RNGTT: variants seen among roughly 807,000 people sequenced by gnomAD.
The protein encoded by RNGTT is RNA guanylyltransferase and 5'-phosphatase, also known as mRNA-capping enzyme.
Under a neutral mutation model 79.3 loss-of-function variants are expected in RNGTT, and 33 were observed. The ratio of observed to expected loss-of-function variants is 0.42; its 90% CI spans 0.32 to 0.56. RNGTT has a LOEUF of 0.56. RNGTT is among the 20% of genes least tolerant of loss of function. The pLI, the probability that RNGTT is intolerant of heterozygous loss-of-function variation, is 0.17. For synonymous variants in RNGTT, 222 were observed against 235.9 expected, an observed-to-expected ratio of 0.94 and a Z score of 0.54; for missense variants, 497 against 739.1, an observed-to-expected ratio of 0.67 and a Z score of 3.80.
At chr6:88,854,890 C>T (rs985987043) in intron 8 of RNGTT, among the ~76,000 whole-genome samples, 3 of 152,260 alleles carry the variant, frequency 2.0e-5, no homozygotes, top group Admixed American at 2.0e-4. Context: ...GTCTGGGAAG[C>T]TATGCTACCA....
chr6:88,853,772 T>G lies in RNGTT; in HGVS notation c.897-8A>C. 6.6e-7 allele frequency: 1 copy of G among 1,513,064 alleles called. No homozygotes were observed. The highest frequency in any genetic ancestry group is 9.0e-7 in the Non-Finnish European group (1 of 1,110,042). The allele number at this position is 1,513,064 out of a possible 1,614,324, so 93.7% of individuals were successfully genotyped here. On this transcript the variant is annotated splice_polypyrimidine_tract_variant and splice_region_variant and intron_variant, in intron 8 of 15. Coordinates refer to ENST00000369485, the MANE Select transcript of RNGTT (RefSeq NM_003800.5). ...TCAATCAACATCATGTACCTGTAAA[T>G]GAAACATTAAAAAGCTAATATTTAC...
At chr6:88,659,026 C>T (rs139196477) in intron 14 of RNGTT, among the ~76,000 whole-genome samples, 3,760 of 152,290 alleles carry the variant, frequency 0.025, 137 homozygotes, top group African/African-American at 0.085. Flanking sequence ...GTCAATTCTC[C>T]TAATAAACTC....
intron 11 of RNGTT, among the ~76,000 whole-genome samples, chr6:88,802,542 G>T (rs567903681): frequency 1.6e-4 from 25 of 152,268 alleles, no homozygotes; most frequent in Middle Eastern, 6.8e-3. Flanking sequence ...TACTTTCACA[G>T]AGCTAGGTGC....
chr6:88,869,777 T>G (rs1402641812), intron 8 of RNGTT, among the ~76,000 whole-genome samples: 1 of 152,110 alleles, frequency 6.6e-6, no homozygotes, highest in Non-Finnish European at 1.5e-5. Flanking sequence ...ACTCATAACA[T>G]TAAGGCAACT....
Position 88,812,832 on chromosome 6 carries a change from T to C in RNGTT, c.1270-11200A>G, listed in dbSNP as rs144100910. Among the ~76,000 whole-genome samples, 29 of 152,326 alleles carry C rather than the reference T, an allele frequency of 1.9e-4. 1 individual carries two copies. The East Asian group carries it at 5.2e-3, about 27-fold the overall frequency. On this transcript the variant is annotated intron_variant, in intron 11 of 15. Coordinates refer to ENST00000369485, the MANE Select transcript of RNGTT (RefSeq NM_003800.5). Reference sequence around the variant, plus strand: ...GTTTTTTTACCTTAAATGCTTTCAATAGAGATGCTTAAAGACTTCTAAGGA... The same window carrying C: ...GTTTTTTTACCTTAAATGCTTTCAACAGAGATGCTTAAAGACTTCTAAGGA...
chr6:88,634,468 G>A (rs1773019378), intron 14 of RNGTT, among the ~76,000 whole-genome samples: 1 of 152,102 alleles, frequency 6.6e-6, no homozygotes, highest in South Asian at 2.1e-4. Flanking sequence ...TGCCAAATTA[G>A]TTCAAATTGG....
intron 13 of RNGTT, among the ~76,000 whole-genome samples, chr6:88,718,927 T>A (rs192559878): frequency 6.6e-6 from 1 of 152,346 alleles, no homozygotes; most frequent in Admixed American, 6.5e-5. Context: ...CAAATCTCAT[T>A]GCAACAGAAG....
At chr6:88,745,193 C>T (rs1023965434) in intron 13 of RNGTT, among the ~76,000 whole-genome samples, 3 of 152,180 alleles carry the variant, frequency 2.0e-5, no homozygotes, top group African/African-American at 7.2e-5. Context: ...CATATACCAC[C>T]TTTAACAGTG....
At chr6:88,695,322 A>T (rs1310926663) in intron 13 of RNGTT, among the ~76,000 whole-genome samples, 1 of 152,174 alleles carries the variant, frequency 6.6e-6, no homozygotes, top group Admixed American at 6.5e-5. Context: ...AAAGCAAGAA[A>T]ACAATCTGAT....
At chr6:88,716,457 C>A (rs1273380956) in intron 13 of RNGTT, among the ~76,000 whole-genome samples, 2 of 152,144 alleles carry the variant, frequency 1.3e-5, no homozygotes, top group Non-Finnish European at 1.5e-5. Flanking sequence ...CCCAGTCATC[C>A]CATTACTGGG....
At chr6:88,810,209 T>C (rs1047291339) in intron 11 of RNGTT, among the ~76,000 whole-genome samples, 1 of 152,136 alleles carries the variant, frequency 6.6e-6, no homozygotes, top group African/African-American at 2.4e-5. Flanking sequence ...TGAGATAGTG[T>C]ACACAATAAA....
intron 8 of RNGTT, among the ~76,000 whole-genome samples, chr6:88,873,130 A>G (rs1342929253): frequency 3.3e-5 from 5 of 152,202 alleles, no homozygotes; most frequent in Non-Finnish European, 5.9e-5. Flanking sequence ...GTGAGGGAAG[A>G]GCACCTAAGC....
intron 13 of RNGTT, among the ~76,000 whole-genome samples, chr6:88,726,389 C>CAAAAAAAAAA (rs61210098): frequency 1.0e-5 from 1 of 99,540 alleles, no homozygotes. Context: ...ATCCTAAGTC[C>CAAAAAAAAAA]AAAAAAAAAA....
chr6:88,834,291 T>G (rs1780987702), intron 11 of RNGTT, among the ~76,000 whole-genome samples: 1 of 152,220 alleles, frequency 6.6e-6, no homozygotes. Context: ...GTTCACCGTA[T>G]GAAAGTATGA....
At chr6:88,625,264 C>T (rs928047660) in intron 14 of RNGTT, among the ~76,000 whole-genome samples, 1 of 151,894 alleles carries the variant, frequency 6.6e-6, no homozygotes, top group African/African-American at 2.4e-5. Flanking sequence ...TTTGTTCACA[C>T]AGAAACTTGA....
chr6:88,833,839 T>C (rs1329799271), intron 11 of RNGTT, among the ~76,000 whole-genome samples: 3 of 152,014 alleles, frequency 2.0e-5, no homozygotes, highest in Non-Finnish European at 4.4e-5. Context: ...CTGGCCAATA[T>C]GGTGAAACCC....
intron 13 of RNGTT, among the ~76,000 whole-genome samples, chr6:88,685,211 T>C (rs1469435635): frequency 6.6e-6 from 1 of 152,212 alleles, no homozygotes; most frequent in African/African-American, 2.4e-5. Context: ...ACTGTAATGG[T>C]TGATATCATC....
intron 14 of RNGTT, among the ~76,000 whole-genome samples, chr6:88,615,427 G>T (rs1347890483): frequency 6.6e-6 from 1 of 152,044 alleles, no homozygotes; most frequent in African/African-American, 2.4e-5. Flanking sequence ...CTTTACATTT[G>T]ATTGTACCAT....
chr6:88,632,544 G>GACACACACACAC lies in RNGTT; in HGVS notation c.1507-18161_1507-18150dup, dbSNP rs55920605. Among the ~76,000 whole-genome samples the GACACACACACAC allele has an allele frequency of 3.9e-4, 52 of 132,960 alleles. 1 individual carries two copies. The highest frequency in any genetic ancestry group is 3.8e-3 in the Middle Eastern group (1 of 262). 87.2% of individuals were successfully genotyped at this position (132,960 alleles called of 152,430 possible). A position where few individuals can be genotyped will look rare whatever the true frequency, so the allele number is the denominator to read the frequency against. On this transcript the variant is annotated intron_variant, in intron 14 of 15. Coordinates refer to ENST00000369485, the MANE Select transcript of RNGTT (RefSeq NM_003800.5). ...CCAACTACAGACACACAGACACACA[G>GACACACACACAC]ACACACACACACACACACACACACA...
Sources: allele counts gnomAD v4.1 joint callset (sites outside exome capture counted in the v4.1 genomes callset), GRCh38; gene constraint gnomAD v4.1.1; transcripts MANE v1.5; gene names NCBI Gene and HGNC (gene_info 2026-07-23, HGNC 2026-07-21).